Variants in PPHLN1 observed in about 807,000 individuals in gnomAD.
The protein encoded by PPHLN1 is periphilin-1.
PPHLN1 carries 29 observed loss-of-function variants against 51.3 expected under a neutral mutation model. That is an observed-to-expected ratio of 0.57 (90% confidence interval 0.42 to 0.77). The LOEUF is 0.77. Ranked by LOEUF, PPHLN1 falls within the 30% of genes least tolerant of loss-of-function variation. The pLI is 0.00. For synonymous variants in PPHLN1, 147 were observed against 147.8 expected (o/e 0.99, Z 0.04); for missense variants, 436 against 438.4 (o/e 0.99, Z 0.05).
chr12:42,412,954 C>T (rs553341478), intron 9 of PPHLN1, among the ~76,000 whole-genome samples: 1 of 152,158 alleles, frequency 6.6e-6, no homozygotes, highest in Middle Eastern at 3.4e-3. Flanking sequence ...CATTTGCCCA[C>T]CTTTTGAGGA....
Position 42,373,409 on chromosome 12 carries a change from C to A in PPHLN1, c.300-1454C>A, listed in dbSNP as rs575818182. On this transcript the variant is annotated intron_variant, in intron 4 of 9. Coordinates refer to ENST00000358314, the MANE Select transcript of PPHLN1 (RefSeq NM_201439.2). The stretch of plus-strand genomic sequence containing the variant: ...TTTTCCCAGGGAAACTTACTTGTGT[C>A]TGAAGGGACAATATATTTGGGGTAT... Among the ~76,000 whole-genome samples, 7 of 152,276 alleles carry A rather than the reference C, an allele frequency of 4.6e-5. No individual in the cohort carries two copies. In the South Asian group the frequency reaches 1.5e-3, roughly 32 times the overall value.
intron 9 of PPHLN1, among the ~76,000 whole-genome samples, chr12:42,440,204 GTTAGAC>G (rs887937739): frequency 1.3e-5 from 2 of 150,646 alleles, no homozygotes; most frequent in African/African-American, 2.4e-5. Context: ...TATATATTTT[GTTAGAC>G]TTATACTTAA....
At chr12:42,398,559 C>T (rs987141246) in intron 8 of PPHLN1, 25 of 233,856 alleles carry the variant, frequency 1.1e-4, no homozygotes, top group Non-Finnish European at 1.7e-4. Flanking sequence ...CTTGCTTCGG[C>T]AGCACATGCA....
chr12:42,372,787 A>G (rs1218484170), intron 4 of PPHLN1, among the ~76,000 whole-genome samples: 5 of 152,158 alleles, frequency 3.3e-5, no homozygotes, highest in Admixed American at 1.3e-4. Flanking sequence ...TATTACACAA[A>G]CATCTTAAAT....
chr12:42,326,332 C>T (rs1304732523), intron 1 of PPHLN1, 103 bp downstream of exon 1: 1 of 152,342 alleles, frequency 6.6e-6, no homozygotes, highest in Non-Finnish European at 1.5e-5. Context: ...CTGGATTCTC[C>T]TGCCTTTGAA....
At position 42,357,480 on chromosome 12, in the gene PPHLN1, G is replaced by A. The variant is rs76206921; in HGVS notation, c.299+2258G>A. ...AGATATATCTGGAGTTTGGGGTACA[G>A]TAGCAGTGGCATTACAAATCCAATG... On this transcript the variant is annotated intron_variant, in intron 4 of 9. Transcript: ENST00000358314. Among the ~76,000 whole-genome samples the A allele has an allele frequency of 2.0e-3, 309 of 152,296 alleles. 1 individual carries two copies. The highest frequency in any genetic ancestry group is 7.0e-3 in the African/African-American group (293 of 41,566).
At chr12:42,344,047 G>A (rs2071897939) in intron 2 of PPHLN1, 2 of 280,512 alleles carry the variant, frequency 7.1e-6, no homozygotes, top group African/African-American at 4.7e-5. Flanking sequence ...TGGTTTGTAT[G>A]GTACTTTTCT....
rs910733544 is a variant in PPHLN1, at chr12:42,375,148, C to G, written c.511+74C>G. ...AGAATGTACTGAGTCAGATTTCCTT[C>G]TAGGTGTAAGAGATTTATTTTTTAA... On this transcript the variant is annotated intron_variant, in intron 5 of 9. Coordinates refer to ENST00000358314, the MANE Select transcript of PPHLN1 (RefSeq NM_201439.2). 3 of 1,174,236 alleles carry G rather than the reference C, an allele frequency of 2.6e-6. No individual in the cohort carries two copies. The African/African-American group carries it at 4.7e-5, about 18-fold the overall frequency. The allele number at this position is 1,174,236 out of a possible 1,614,324, so 72.7% of individuals were successfully genotyped here. A position where few individuals can be genotyped will look rare whatever the true frequency, so the allele number is the denominator to read the frequency against.
intron 9 of PPHLN1, chr12:42,400,295 C>G (rs1320182420): frequency 6.6e-6 from 1 of 151,186 alleles, no homozygotes; most frequent in African/African-American, 2.4e-5. Context: ...GGTGAAACCC[C>G]GTCTCTACTA....
rs116390454 is a variant in PPHLN1 at position 42,402,996 on chromosome 12, A to G, written c.909+4002A>G. ...GAGGCTAGAAGTAAAGATTAGTGAA[A>G]TGTACAGTCTTGAAAATGTTAACTA... is the stretch of plus-strand genomic sequence containing the variant. On this transcript the variant is annotated intron_variant, in intron 9 of 9. Coordinates refer to ENST00000358314, the MANE Select transcript of PPHLN1 (RefSeq NM_201439.2). Among the ~76,000 whole-genome samples, 247 of 152,364 alleles carry G rather than the reference A, an allele frequency of 1.6e-3. 1 individual carries two copies. Among genetic ancestry groups the G allele is most frequent in the African/African-American group, 5.1e-3 (214 of 41,586 alleles).
At chr12:42,379,820 T>G (rs1385902704) in intron 5 of PPHLN1, among the ~76,000 whole-genome samples, 1 of 152,050 alleles carries the variant, frequency 6.6e-6, no homozygotes, top group Non-Finnish European at 1.5e-5. Context: ...TAGCACCTGA[T>G]AAGAACAGCT....
chr12:42,399,489 T>G, intron 9 of PPHLN1: 1 of 874,042 alleles, frequency 1.1e-6, no homozygotes, highest in Non-Finnish European at 1.4e-6. Context: ...ATTATGGGGT[T>G]ATTTTCATTT....
chr12:42,336,731 GA>G (rs2070720890), intron 2 of PPHLN1, among the ~76,000 whole-genome samples: 1 of 152,212 alleles, frequency 6.6e-6, no homozygotes. Context: ...AGGTCTAAAG[GA>G]GGGTTTGGGG....
At chr12:42,381,258 T>G (rs2076734933) in intron 5 of PPHLN1, among the ~76,000 whole-genome samples, 1 of 152,240 alleles carries the variant, frequency 6.6e-6, no homozygotes, top group Non-Finnish European at 1.5e-5. Flanking sequence ...CCTAGGATTA[T>G]AGCTATAGCT....
chr12:42,345,106 T>A lies in PPHLN1; in HGVS notation c.73-6779T>A, dbSNP rs373764769. ...AAATGAAAGCATTTCCTGTAACCGA[T>A]AGGTATATTGGAATGTATGGCAAAT... On this transcript the variant is annotated intron_variant, in intron 2 of 9. Coordinates refer to ENST00000358314, the MANE Select transcript of PPHLN1 (RefSeq NM_201439.2). 5.3e-5 allele frequency among the ~76,000 whole-genome samples: 8 copies of A among 152,274 alleles called. No individual in the cohort carries two copies. The East Asian group carries it at 1.5e-3, about 29-fold the overall frequency.
chr12:42,352,027 G>A lies in PPHLN1; in HGVS notation c.215G>A (p.Arg72Lys). The A allele has an allele frequency of 6.5e-7, 1 of 1,539,068 alleles. No individual in the cohort carries two copies. The highest frequency in any genetic ancestry group is 8.7e-7 in the Non-Finnish European group (1 of 1,149,376). The change falls in exon 3 of 10, where the codon AGA becomes AAA. Residue 72 changes from arginine to lysine, a missense_variant. Coordinates refer to ENST00000358314, the MANE Select transcript of PPHLN1 (RefSeq NM_201439.2). ...GGCCGCAGTTTTTCTCATGATCGAA[G>A]AAGTGGTCCACCTCACAGAGGAGTA... is the stretch of plus-strand genomic sequence containing the variant. ...DEGRSFSHDR[R>K]SGPPHRGDES...
In PPHLN1 at chr12:42,411,721, A is replaced by G. The variant is rs150685405; in HGVS notation, c.909+12727A>G. Among the ~76,000 whole-genome samples, 935 of 150,504 alleles carry G rather than the reference A, an allele frequency of 6.2e-3. 1 individual carries two copies. The highest frequency in any genetic ancestry group is 9.8e-3 in the Non-Finnish European group (662 of 67,686). On this transcript the variant is annotated intron_variant, in intron 9 of 9. Transcript: ENST00000358314. ...GGAGTTCAAGACCAGCCTGGCCAAC[A>G]TGGTGAAACCCTGTCTCTACTAAAA...
intron 5 of PPHLN1, among the ~76,000 whole-genome samples, chr12:42,378,415 A>G (rs2076486295): frequency 6.6e-6 from 1 of 152,032 alleles, no homozygotes; most frequent in South Asian, 2.1e-4. Context: ...ATATTGCAGC[A>G]CCTGGCTTTT....
chr12:42,353,405 A>T (rs1197800085), intron 3 of PPHLN1, among the ~76,000 whole-genome samples: 2 of 152,196 alleles, frequency 1.3e-5, no homozygotes, highest in African/African-American at 4.8e-5. Context: ...CGCTTGAAGA[A>T]ATGGAGGTAA....
Sources: gnomAD v4.1 joint callset for allele counts (sites outside exome capture counted in the v4.1 genomes callset) on GRCh38, gnomAD v4.1.1 for gene constraint, MANE v1.5 for transcripts, NCBI Gene and HGNC (gene_info 2026-07-23, HGNC 2026-07-21) for gene names.